Variants in TRPM2 observed in about 807,000 individuals in gnomAD.
TRPM2 encodes transient receptor potential cation channel subfamily M member 2.
TRPM2 carries 161 observed loss-of-function variants against 174.0 expected under a neutral mutation model. The observed-to-expected ratio is 0.93, with a 90% CI of 0.81 to 1.05. The LOEUF (loss-of-function observed/expected upper bound fraction) is 1.05, where lower values mean the gene tolerates loss of function less well. TRPM2 is among the 50% of genes least tolerant of loss of function. The pLI, the probability that TRPM2 is intolerant of heterozygous loss-of-function variation, is 0.00. For synonymous variants in TRPM2, 954 were observed against 861.3 expected (o/e 1.11, Z -1.88); for missense variants, 2,057 against 2,038.0 (o/e 1.01, Z -0.18).
chr21:44,438,208 C>T lies in TRPM2; in HGVS notation c.4168-859C>T, dbSNP rs1433322469. Among the ~76,000 whole-genome samples the T allele has an allele frequency of 6.6e-6, 1 of 152,216 alleles. No individual in the cohort carries two copies. The highest frequency in any genetic ancestry group is 6.5e-5 in the Admixed American group (1 of 15,284). ...GAGGGGGCCTTTGGCCTTGGGGTCC[C>T]CTTGCTGCCCTGCTGCGCTCACCCA... On this transcript the variant is annotated intron_variant, in intron 29 of 31. Transcript: ENST00000397928. The surrounding 1 kb of genome is among the most constrained non-coding windows in gnomAD (Gnocchi z 5.9).
chr21:44,362,515 G>GA (rs57444178), intron 2 of TRPM2, among the ~76,000 whole-genome samples: 48 of 136,266 alleles, frequency 3.5e-4, no homozygotes, highest in Non-Finnish European at 4.7e-4. Context: ...TCCATTTCAA[G>GA]AAAAAAAAAA....
chr21:44,390,285 A>T (rs959852492), intron 9 of TRPM2, among the ~76,000 whole-genome samples: 2 of 152,204 alleles, frequency 1.3e-5, no homozygotes, highest in African/African-American at 2.4e-5. Flanking sequence ...TTTTGTAGAC[A>T]TAGCCTTTAT....
At chr21:44,414,898 A>G (rs958707887) in intron 20 of TRPM2, 2 of 152,202 alleles carry the variant, frequency 1.3e-5, no homozygotes, top group African/African-American at 4.8e-5. Flanking sequence ...AGCTCCTGCA[A>G]GCGAGTCTCA....
chr21:44,401,551 C>T, intron 15 of TRPM2, 130 bp from the exon 16 acceptor site: 1 of 893,930 alleles, frequency 1.1e-6, no homozygotes, highest in Non-Finnish European at 1.7e-6. Context: ...GCCCCGGATC[C>T]CTGAGTGCTT....
rs2049888753 is a variant in TRPM2, at chr21:44,406,625, T to G, written c.2822T>G (p.Leu941Arg). The change falls in exon 19 of 32, where the codon CTG (leucine) becomes CGG (arginine). Residue 941 changes from leucine (L) to arginine (R), a missense_variant. Physicochemically the swap from Leu to Arg is moderately radical, Grantham distance 102. Coordinates refer to ENST00000397928, the MANE Select transcript of TRPM2 (RefSeq NM_003307.4). ...GACGTCTTCTTCTTCCTCTTCCTGC[T>G]GGCTGTGTGGGTGGTGTCCTTCGGG... ...MKDVFFFLFL[L>R]AVWVVSFGVA... The G allele has an allele frequency of 6.2e-7, 1 of 1,610,782 alleles. No homozygotes were observed. The highest frequency in any genetic ancestry group is 1.3e-5 in the African/African-American group (1 of 74,856).
intron 27 of TRPM2, among the ~76,000 whole-genome samples, chr21:44,427,606 A>T (rs1376847834): frequency 6.6e-6 from 1 of 152,174 alleles, no homozygotes; most frequent in African/African-American, 2.4e-5. Flanking sequence ...CCCTGGAAGG[A>T]AGGAGCCTGG....
At chr21:44,436,090 C>T (rs2051254889) in intron 28 of TRPM2, among the ~76,000 whole-genome samples, 1 of 152,142 alleles carries the variant, frequency 6.6e-6, no homozygotes, top group South Asian at 2.1e-4. Context: ...CCCATTCACA[C>T]ACAGGGACAC....
chr21:44,382,869 G>A, intron 9 of TRPM2, 49 bp downstream of exon 9: 2 of 1,521,228 alleles, frequency 1.3e-6, no homozygotes, highest in East Asian at 2.3e-5. Flanking sequence ...CAGAACGTGA[G>A]CTCTGAGGAC....
chr21:44,434,978 C>G (rs1416777912), intron 27 of TRPM2, among the ~76,000 whole-genome samples, 153 bp from the exon 28 acceptor site: 1 of 152,094 alleles, frequency 6.6e-6, no homozygotes, highest in Non-Finnish European at 1.5e-5. Context: ...GGATCCTACT[C>G]CCTAGGCCAG....
chr21:44,441,939 T>G lies in TRPM2; in HGVS notation c.*122T>G. The G allele has an allele frequency of 7.4e-7, 1 of 1,352,816 alleles. No homozygotes were observed. The highest frequency in any genetic ancestry group is 1.8e-5 in the South Asian group (1 of 54,446). 83.8% of individuals were successfully genotyped at this position (1,352,816 alleles called of 1,614,324 possible). On this transcript the variant is annotated 3_prime_UTR_variant, in exon 32 of 32. Coordinates refer to ENST00000397928, the MANE Select transcript of TRPM2 (RefSeq NM_003307.4). ...GGGCCCTGCACATGATGGGGTTTGG[T>G]GGACCCAGTGCCCCTCACGGCTGCC...
Position 44,406,000 on chromosome 21 carries a change from A to G in TRPM2, c.2753A>G (p.Lys918Arg). The G allele has an allele frequency of 6.2e-7, 1 of 1,608,618 alleles. No individual in the cohort carries two copies. The highest frequency in any genetic ancestry group is 1.1e-5 in the South Asian group (1 of 91,090). Reference protein sequence around the residue: ...LRLMHIFTISKTLGPKIIIVK... With the variant: ...LRLMHIFTISRTLGPKIIIVK... ...CTCATGCACATTTTTACCATCAGTAAGACGCTGGGGCCCAAGATCATCATT... is the reference window on the plus strand; with the variant it reads ...CTCATGCACATTTTTACCATCAGTAGGACGCTGGGGCCCAAGATCATCATT... The change falls in exon 18 of 32, where the codon AAG becomes AGG. Residue 918 changes from lysine to arginine, a missense_variant. Lys to Arg is a conservative substitution (Grantham distance 26). Coordinates refer to ENST00000397928, the MANE Select transcript of TRPM2 (RefSeq NM_003307.4).
At chr21:44,359,036 T>G (rs1443228551) in intron 2 of TRPM2, among the ~76,000 whole-genome samples, 1 of 152,186 alleles carries the variant, frequency 6.6e-6, no homozygotes, top group Non-Finnish European at 1.5e-5. Context: ...TCCTGCTGAT[T>G]GGTCCATTTT....
chr21:44,382,417 G>A (rs966891738), intron 8 of TRPM2, among the ~76,000 whole-genome samples: 4 of 152,210 alleles, frequency 2.6e-5, no homozygotes, highest in Non-Finnish European at 5.9e-5. Context: ...GAGTGGCCTG[G>A]GCTTAGCAGG....
At chr21:44,433,893 G>A (rs1046496133) in intron 27 of TRPM2, among the ~76,000 whole-genome samples, 3 of 152,296 alleles carry the variant, frequency 2.0e-5, no homozygotes, top group East Asian at 1.9e-4. Context: ...ACAGCTGGGC[G>A]GGAACAGGGT....
At chr21:44,365,686 C>T (rs2146148936) in intron 3 of TRPM2, among the ~76,000 whole-genome samples, 1 of 152,318 alleles carries the variant, frequency 6.6e-6, no homozygotes, top group South Asian at 2.1e-4. Flanking sequence ...CCCGGCTTCT[C>T]CCAGCCCCCT....
Position 44,426,467 on chromosome 21 carries a change from TCCCAGCCCCCGGCCCTG to T in TRPM2, c.3796-182_3796-166del, listed in dbSNP as rs911296783. Among the ~76,000 whole-genome samples the T allele has an allele frequency of 2.4e-4, 35 of 147,998 alleles. No homozygotes were observed. The East Asian group carries it at 6.8e-3, about 29-fold the overall frequency. ...CTGGCCCCAGGGTGGGGGTCCCTGA[TCCCAGCCCCCGGCCCTG>T]CCCAGCCCCCAGCTCTGCCTGGCAC... is the stretch of plus-strand genomic sequence containing the variant. On this transcript the variant is annotated intron_variant, in intron 25 of 31. Coordinates refer to ENST00000397928, the MANE Select transcript of TRPM2 (RefSeq NM_003307.4).
In TRPM2 at chr21:44,427,235, A is replaced by G. The variant is rs45527141; in HGVS notation, c.3974+124A>G. The G allele has an allele frequency of 6.8e-3, 5,652 of 829,694 alleles. 238 individuals are homozygous for G. The African/African-American group carries it at 0.087, about 13-fold the overall frequency. 51.4% of individuals were successfully genotyped at this position (829,694 alleles called of 1,614,324 possible). ...CAAAATCAAAAAAAGCACGTGAGCC[A>G]CCGAAAGGAAGAAAACATCAACTCA... On this transcript the variant is annotated intron_variant, in intron 27 of 31. Coordinates refer to ENST00000397928, the MANE Select transcript of TRPM2 (RefSeq NM_003307.4).
chr21:44,391,557 CTT>C lies in TRPM2; in HGVS notation c.1728_1729del (p.Tyr577SerfsTer47), dbSNP rs771116426. On this transcript the variant is annotated frameshift_variant, in exon 11 of 32. Transcript: ENST00000397928. LOFTEE classifies it high-confidence loss of function. The surrounding 1 kb of genome is among the most constrained non-coding windows in gnomAD (Gnocchi z 5.0). Reference protein sequence around the residue: ...RELLGDFTQPLYPRPRHNDRL... With the variant: ...RELLGDFTQPXYPRPRHNDRL... ...GCTGCTGGGGGACTTCACGCAGCCGCTTTATCCCCGGCCCCGGCACAACGACC... is the reference window on the plus strand; with the variant it reads ...GCTGCTGGGGGACTTCACGCAGCCGCTATCCCCGGCCCCGGCACAACGACC... The C allele has an allele frequency of 1.1e-5, 17 of 1,597,470 alleles. No homozygotes were observed. In the African/African-American group the frequency reaches 1.7e-4, roughly 16 times the overall value.
intron 12 of TRPM2, among the ~76,000 whole-genome samples, chr21:44,397,123 C>T (rs1164076947): frequency 6.6e-6 from 1 of 151,566 alleles, no homozygotes; most frequent in Non-Finnish European, 1.5e-5. Flanking sequence ...ACTGCAACCT[C>T]TGCCTACCGT....
Sources: allele counts gnomAD v4.1 joint callset (sites outside exome capture counted in the v4.1 genomes callset), GRCh38; gene constraint gnomAD v4.1.1; non-coding constraint Gnocchi (gnomAD v3.1); transcripts MANE v1.5; gene names NCBI Gene and HGNC (gene_info 2026-07-23, HGNC 2026-07-21).